Variants in SPIRE1 observed in about 807,000 individuals in gnomAD.
The protein encoded by SPIRE1 is spire type actin nucleation factor 1.
SPIRE1 carries 40 observed loss-of-function variants against 94.1 expected under a neutral mutation model. The ratio of observed to expected loss-of-function variants is 0.43; its 90% CI spans 0.33 to 0.55. The LOEUF (loss-of-function observed/expected upper bound fraction) is 0.55, where lower values mean the gene tolerates loss of function less well. Among genes scored for constraint, SPIRE1 ranks in the 20% least tolerant of loss-of-function variants. SPIRE1 has a pLI of 0.06. For missense variants in SPIRE1, 838 were observed against 975.2 expected, an observed-to-expected ratio of 0.86 and a Z score of 1.87; for synonymous variants, 376 against 371.7, an observed-to-expected ratio of 1.01 and a Z score of -0.13.
chr18:12,466,952 G>GA (rs1299097087), intron 10 of SPIRE1, among the ~76,000 whole-genome samples: 4 of 151,972 alleles, frequency 2.6e-5, no homozygotes, highest in Non-Finnish European at 5.9e-5. Context: ...GAACAGGGCG[G>GA]AAAAAAAGGC....
At chr18:12,461,333 A>G (rs2031786994) in intron 12 of SPIRE1, among the ~76,000 whole-genome samples, 1 of 152,094 alleles carries the variant, frequency 6.6e-6, no homozygotes, top group African/African-American at 2.4e-5. Context: ...GGCTTCTAGG[A>G]AAAGCTGAGT....
intron 3 of SPIRE1, among the ~76,000 whole-genome samples, chr18:12,540,124 G>A (rs1337076625): frequency 6.6e-6 from 1 of 151,716 alleles, no homozygotes; most frequent in Non-Finnish European, 1.5e-5. Flanking sequence ...GAGGGCCAGT[G>A]GCTCCCACTG....
At chr18:12,540,589 T>C (rs1022758074) in intron 3 of SPIRE1, among the ~76,000 whole-genome samples, 1 of 152,214 alleles carries the variant, frequency 6.6e-6, no homozygotes, top group Non-Finnish European at 1.5e-5. Flanking sequence ...TTGACCAGGC[T>C]GGTCTCAAAC....
intron 2 of SPIRE1, among the ~76,000 whole-genome samples, chr18:12,547,241 CACTT>C (rs1383933318): frequency 9.2e-5 from 14 of 152,294 alleles, no homozygotes; most frequent in Non-Finnish European, 1.3e-4. Context: ...ACTGAAAACT[CACTT>C]ACGGGTAGCA....
intron 8 of SPIRE1, among the ~76,000 whole-genome samples, chr18:12,491,828 C>G (rs900563972): frequency 1.3e-5 from 2 of 152,126 alleles, no homozygotes; most frequent in Non-Finnish European, 1.5e-5. Flanking sequence ...AGTGCTGCTG[C>G]GACAGATGAC....
intron 1 of SPIRE1, among the ~76,000 whole-genome samples, chr18:12,637,387 G>A (rs985474854): frequency 8.0e-5 from 12 of 150,824 alleles, no homozygotes; most frequent in Non-Finnish European, 3.0e-5. Flanking sequence ...GAGTATGTGA[G>A]TTTACATCTT....
chr18:12,501,395 T>C (rs1463678541), intron 6 of SPIRE1, among the ~76,000 whole-genome samples: 1 of 152,140 alleles, frequency 6.6e-6, no homozygotes, highest in Non-Finnish European at 1.5e-5. Flanking sequence ...TTTTGTTTGT[T>C]TGTTTTTGAG....
intron 4 of SPIRE1, among the ~76,000 whole-genome samples, chr18:12,526,618 A>G (rs1456655813): frequency 6.6e-6 from 1 of 152,266 alleles, no homozygotes; most frequent in African/African-American, 2.4e-5. Flanking sequence ...ACATAAAGTC[A>G]GAACAGCATT....
At chr18:12,537,154 G>C (rs1217037084) in intron 3 of SPIRE1, among the ~76,000 whole-genome samples, 2 of 152,144 alleles carry the variant, frequency 1.3e-5, no homozygotes, top group African/African-American at 2.4e-5. Context: ...GCTTTATCCA[G>C]AAGCATTAAA....
intron 4 of SPIRE1, among the ~76,000 whole-genome samples, chr18:12,526,891 G>A (rs1409459821): frequency 6.6e-6 from 1 of 152,086 alleles, no homozygotes; most frequent in East Asian, 1.9e-4. Context: ...TGTATTTTTA[G>A]TAGAGATGGG....
intron 10 of SPIRE1, among the ~76,000 whole-genome samples, chr18:12,474,309 A>T (rs2032472871): frequency 6.6e-6 from 1 of 152,010 alleles, no homozygotes; most frequent in Non-Finnish European, 1.5e-5. Context: ...TCCACTGGTG[A>T]GTTCAGTGCC....
At chr18:12,479,551 C>A in intron 10 of SPIRE1, 148 bp downstream of exon 10, 1 of 717,362 alleles carries the variant, frequency 1.4e-6, no homozygotes, top group Non-Finnish European at 2.1e-6. Context: ...TAATTTCCTG[C>A]AAACCAAATT....
At chr18:12,515,419 G>A (rs1037411888) in intron 4 of SPIRE1, among the ~76,000 whole-genome samples, 5 of 152,006 alleles carry the variant, frequency 3.3e-5, no homozygotes, top group African/African-American at 9.7e-5. Flanking sequence ...AGGAGGCTGA[G>A]GTAGGAGAAT....
At chr18:12,575,310 A>G (rs759906202) in intron 2 of SPIRE1, among the ~76,000 whole-genome samples, 20 of 152,176 alleles carry the variant, frequency 1.3e-4, no homozygotes, top group Admixed American at 2.6e-4. Context: ...AAATAAAAAA[A>G]TTAAAATAAA....
At chr18:12,660,471 G>A (rs1046811636), upstream of SPIRE1, among the ~76,000 whole-genome samples, 3 of 151,946 alleles carry the variant, frequency 2.0e-5, no homozygotes, top group African/African-American at 7.3e-5. Flanking sequence ...ACAGGCACAC[G>A]CTACCATGCC....
intron 2 of SPIRE1, among the ~76,000 whole-genome samples, chr18:12,630,858 T>C (rs936611625): frequency 1.3e-5 from 2 of 152,058 alleles, no homozygotes; most frequent in African/African-American, 4.8e-5. Context: ...CTAGCAAGAG[T>C]TGGGTGAGGG....
At chr18:12,557,127 A>G (rs1264249011) in intron 2 of SPIRE1, among the ~76,000 whole-genome samples, 3 of 152,204 alleles carry the variant, frequency 2.0e-5, no homozygotes, top group African/African-American at 7.2e-5. Flanking sequence ...GCTGCCCACC[A>G]GTCCTGCGCC....
chr18:12,454,065 G>A (rs2031383610), intron 13 of SPIRE1, among the ~76,000 whole-genome samples: 1 of 152,182 alleles, frequency 6.6e-6, no homozygotes, highest in Non-Finnish European at 1.5e-5. Context: ...TTACAAGCAT[G>A]AGCCACCATG....
At chr18:12,636,516 T>TG (rs1555635426) in intron 1 of SPIRE1, among the ~76,000 whole-genome samples, 2 of 98,608 alleles carry the variant, frequency 2.0e-5, no homozygotes, top group Non-Finnish European at 5.2e-5. Flanking sequence ...ATGAGTTGGT[T>TG]GAAAAAAAAA....
Sources: gnomAD v4.1 joint callset for allele counts (sites outside exome capture counted in the v4.1 genomes callset) on GRCh38, gnomAD v4.1.1 for gene constraint, MANE v1.5 for transcripts, NCBI Gene and HGNC (gene_info 2026-07-23, HGNC 2026-07-21) for gene names.